The following GPR173 variants were observed in gnomAD, a reference collection of about 807,000 sequenced individuals.
The protein encoded by GPR173 is G protein-coupled receptor 173, also known as probable G protein-coupled receptor 173.
A neutral mutation model predicts 13.9 loss-of-function variants in GPR173; 2 were observed. The ratio of observed to expected loss-of-function variants is 0.14; its 90% CI spans 0.06 to 0.45. The LOEUF is 0.45. GPR173 is among the 20% of genes least tolerant of loss of function. GPR173 has a pLI of 0.98. For synonymous variants in GPR173, 131 were observed against 141.0 expected, an observed-to-expected ratio of 0.93 and a Z score of 0.50; for missense variants, 202 against 340.5, an observed-to-expected ratio of 0.59 and a Z score of 3.20.
chrX:53,074,682 ATAT>A lies in GPR173; in HGVS notation c.-97-1839_-97-1837del, dbSNP rs1298893640. 2.3e-4 allele frequency among the ~76,000 whole-genome samples: 19 copies of A among 82,388 alleles called. 1 individual carries two copies. The East Asian group carries it at 2.8e-3, about 12-fold the overall frequency. 71.5% of individuals were successfully genotyped at this position (82,388 alleles called of 115,157 possible). On this transcript the variant is annotated intron_variant, in intron 1 of 1. Transcript: ENST00000332582. ...TAGATTTATATATATTTATTTATAA[ATAT>A]TATAAATAAATATATAAATATATAT... is the stretch of plus-strand genomic sequence containing the variant.
intron 1 of GPR173, among the ~76,000 whole-genome samples, chrX:53,050,282 C>T (rs1424784504): frequency 9.0e-6 from 1 of 111,646 alleles, no homozygotes; most frequent in Non-Finnish European, 1.9e-5. Context: ...CCTGCAGGGG[C>T]CAGGAACAAC....
intron 1 of GPR173, among the ~76,000 whole-genome samples, chrX:53,052,573 A>C (rs1556802824): frequency 9.4e-6 from 1 of 106,349 alleles, no homozygotes; most frequent in South Asian, 4.1e-4. Context: ...CCATACACAT[A>C]TGTCCACACA....
chrX:53,070,408 C>T (rs1260552323), intron 1 of GPR173, among the ~76,000 whole-genome samples: 1 of 111,476 alleles, frequency 9.0e-6, no homozygotes, highest in African/African-American at 3.3e-5. Context: ...ATCCAGTGCC[C>T]TCTTGTACAT....
At chrX:53,062,443 A>G (rs1323689494) in intron 1 of GPR173, among the ~76,000 whole-genome samples, 3 of 109,073 alleles carry the variant, frequency 2.8e-5, no homozygotes, top group African/African-American at 1.0e-4. Flanking sequence ...TTTCTTCCAA[A>G]ATACAATGGT....
chrX:53,061,883 A>G (rs1260816250), intron 1 of GPR173, among the ~76,000 whole-genome samples: 5 of 110,401 alleles, frequency 4.5e-5, no homozygotes, highest in African/African-American at 1.7e-4. Flanking sequence ...GCATGCATCT[A>G]GCAAGGGCCT....
At chrX:53,070,492 AT>A (rs1331988617) in intron 1 of GPR173, among the ~76,000 whole-genome samples, 3 of 110,300 alleles carry the variant, frequency 2.7e-5, no homozygotes, top group African/African-American at 6.6e-5. Flanking sequence ...TGCATATGTA[AT>A]TTTTTTTTGA....
chrX:53,064,432 C>A (rs1932164312), intron 1 of GPR173, among the ~76,000 whole-genome samples: 2 of 110,062 alleles, frequency 1.8e-5, no homozygotes. Flanking sequence ...AGCTGGGCAT[C>A]CTGGTGGCAG....
chrX:53,057,967 CCT>C (rs1263093654), intron 1 of GPR173, among the ~76,000 whole-genome samples: 5 of 111,517 alleles, frequency 4.5e-5, no homozygotes, highest in African/African-American at 1.3e-4. Flanking sequence ...GCATATTTGC[CCT>C]GTTATCTGTA....
rs142488411 is a variant in GPR173, at chrX:53,067,418, C to T, written c.-97-9107C>T. On this transcript the variant is annotated intron_variant, in intron 1 of 1. Transcript: ENST00000332582. The stretch of plus-strand genomic sequence containing the variant: ...TATTCTAACCCATCTCATAAAAGAT[C>T]CCAGTTTCTCAATTTGCACTGCCAG... 3.3e-3 allele frequency among the ~76,000 whole-genome samples: 373 copies of T among 112,147 alleles called. 1 individual carries two copies. The highest frequency in any genetic ancestry group is 4.6e-3 in the Middle Eastern group (1 of 218).
At position 53,076,730 on chromosome X, in the gene GPR173, C is replaced by G; in HGVS notation, c.109C>G (p.Leu37Val). Residue 37 changes from leucine (L) to valine (V), a missense_variant, in exon 2 of 2, where the codon CTG becomes GTG. Around this residue, in one of 3 missense-constraint regions of GPR173, gnomAD observed 98 missense variants for 137.2 expected, o/e 0.71. Coordinates refer to ENST00000332582, the MANE Select transcript of GPR173 (RefSeq NM_018969.6). ...GCTGGGACTGATTATGTGCGTGAGC[C>G]TGGCGGGTAACGCCATCTTGTCCCT... is the stretch of plus-strand genomic sequence containing the variant. ...VLLGLIMCVS[L>V]AGNAILSLLV... 4.1e-6 allele frequency: 5 copies of G among 1,210,995 alleles called. No homozygotes were observed. The highest frequency in any genetic ancestry group is 5.6e-6 in the Non-Finnish European group (5 of 894,775).
At chrX:53,052,998 G>A (rs190956186) in intron 1 of GPR173, among the ~76,000 whole-genome samples, 11 of 111,960 alleles carry the variant, frequency 9.8e-5, no homozygotes, top group Admixed American at 2.8e-4. Context: ...GAGAATGTAG[G>A]TGTAAATGAT....
chrX:53,072,277 CTCTA>C (rs1419071593), intron 1 of GPR173, among the ~76,000 whole-genome samples: 2 of 109,362 alleles, frequency 1.8e-5, no homozygotes, highest in African/African-American at 3.3e-5. Context: ...CTGTCTCTCT[CTCTA>C]TCTCTCTCCA....
chrX:53,060,636 C>T (rs1326296710), intron 1 of GPR173, among the ~76,000 whole-genome samples: 2 of 106,450 alleles, frequency 1.9e-5, no homozygotes, highest in Admixed American at 2.0e-4. Flanking sequence ...TAATTATTAA[C>T]AAAAAGTTAG....
chrX:53,062,657 C>G (rs1556803928), intron 1 of GPR173, among the ~76,000 whole-genome samples: 1 of 93,614 alleles, frequency 1.1e-5, no homozygotes, highest in African/African-American at 4.1e-5. Context: ...ATCACAGTGT[C>G]ACAGCTCACT....
chrX:53,056,761 C>T (rs917786611), intron 1 of GPR173, among the ~76,000 whole-genome samples: 5 of 110,790 alleles, frequency 4.5e-5, no homozygotes, highest in South Asian at 3.9e-4. Flanking sequence ...ATATATTTCC[C>T]GGGGCATATA....
chrX:53,073,333 C>T (rs1932291844), intron 1 of GPR173, among the ~76,000 whole-genome samples: 1 of 110,054 alleles, frequency 9.1e-6, no homozygotes, highest in African/African-American at 3.3e-5. Context: ...AGTAGGAAGA[C>T]ATCCACTCAA....
At chrX:53,068,243 C>A (rs1485134930) in intron 1 of GPR173, among the ~76,000 whole-genome samples, 4 of 111,136 alleles carry the variant, frequency 3.6e-5, no homozygotes, top group African/African-American at 1.3e-4. Context: ...TTACAGTATT[C>A]TCTTTACTTT....
rs141994060 is a variant in GPR173, at chrX:53,052,375, C to T, written c.-98+2891C>T. Among the ~76,000 whole-genome samples, 72 of 110,893 alleles carry T rather than the reference C, an allele frequency of 6.5e-4. No individual in the cohort carries two copies. In the East Asian group the frequency reaches 0.019, roughly 29 times the overall value. On this transcript the variant is annotated intron_variant, in intron 1 of 1. Transcript: ENST00000332582. ...GTTATGTGTGAGTACATGTCTGTGG[C>T]GTGCATGAGTAGGTACTTGGGTGTG...
intron 1 of GPR173, among the ~76,000 whole-genome samples, chrX:53,057,080 C>A (rs1932048983): frequency 8.9e-6 from 1 of 111,869 alleles, no homozygotes. Context: ...AGTGGGAGTA[C>A]TATTACCTAT....
Sources: allele counts gnomAD v4.1 joint callset (sites outside exome capture counted in the v4.1 genomes callset), GRCh38; gene constraint gnomAD v4.1.1; regional missense constraint gnomAD v4.1.1; transcripts MANE v1.5; gene names NCBI Gene and HGNC (gene_info 2026-07-23, HGNC 2026-07-21).